CELF2: variants seen among roughly 807,000 people sequenced by gnomAD.
CELF2 encodes CUG triplet repeat RNA-binding protein 2.
CELF2 carries 8 observed loss-of-function variants against 62.6 expected under a neutral mutation model. The ratio of observed to expected loss-of-function variants is 0.13; its 90% confidence interval spans 0.07 to 0.23. The LOEUF (loss-of-function observed/expected upper bound fraction) is 0.23. Among genes scored for constraint, CELF2 ranks in the 10% least tolerant of loss-of-function variants. The pLI is 1.00. For synonymous variants in CELF2, 258 were observed against 250.0 expected (o/e 1.03, Z -0.30); for missense variants, 333 against 671.0 (o/e 0.50, Z 5.56).
chr10:10,767,660 A>G, the CELF2 span, among the ~76,000 whole-genome samples: 1 of 152,132 alleles, frequency 6.6e-6, no homozygotes, highest in Non-Finnish European at 1.5e-5. Context: ...CATATGAATC[A>G]CTTCATCTTC....
chr10:10,826,182 C>T (rs545257244), intron 1 of CELF2, among the ~76,000 whole-genome samples: 1 of 150,918 alleles, frequency 6.6e-6, no homozygotes, highest in South Asian at 2.1e-4. Context: ...AAAAAAAAAA[C>T]AATCCTTAGT....
chr10:10,863,114 G>A (rs561284201), intron 1 of CELF2, among the ~76,000 whole-genome samples: 106 of 152,280 alleles, frequency 7.0e-4, no homozygotes, highest in Admixed American at 1.4e-3. Flanking sequence ...TCAAAGAAGC[G>A]AAAACCGTAC....
the CELF2 span, among the ~76,000 whole-genome samples, chr10:10,634,830 C>T: frequency 6.6e-6 from 1 of 151,822 alleles, no homozygotes; most frequent in Non-Finnish European, 1.5e-5. Flanking sequence ...CCTGGCTAAT[C>T]TTTTGTATAT....
rs1261494381 is a variant in CELF2, at chr10:11,005,438, A to C, written c.51A>C (p.Leu17Phe). The change falls in exon 1 of 13, where the codon TTA (leucine) becomes TTC (phenylalanine). Residue 17 changes from leucine to phenylalanine, a missense_variant and splice_region_variant. Transcript: ENST00000416382. The surrounding 1 kb of genome is among the most constrained non-coding windows in gnomAD (Gnocchi z 4.3). ...CTATGAGAAATGAAGAGCTGCTTTT[A>C]AGGTATGTTGTTGTGTCCTTTGTTT... The C allele has an allele frequency of 5.0e-6, 8 of 1,613,826 alleles. No individual in the cohort carries two copies. The highest frequency in any genetic ancestry group is 1.3e-5 in the African/African-American group (1 of 74,906).
rs932695524 is a variant in CELF2, at chr10:11,315,868, G to T, written c.1096+1610G>T. 6.6e-6 allele frequency among the ~76,000 whole-genome samples: 1 copy of T among 152,212 alleles called. No individual in the cohort carries two copies. The highest frequency in any genetic ancestry group is 2.4e-5 in the African/African-American group (1 of 41,448). On this transcript the variant is annotated intron_variant, in intron 10 of 12. Transcript: ENST00000633077. This position sits in a 1 kb window ranked among gnomAD's most constrained non-coding sequence, Gnocchi z 5.8. ...GTGCTCGCACACATCCCCTCATGCT[G>T]CTTCTCTTGCCCCAGGACCTAGTTC...
intron 1 of CELF2, among the ~76,000 whole-genome samples, chr10:10,811,493 C>T (rs142354790): frequency 1.5e-3 from 222 of 152,032 alleles, no homozygotes; most frequent in Non-Finnish European, 2.6e-3. Flanking sequence ...GGGAGAGGGG[C>T]CCTGGTCTTC....
chr10:10,904,013 T>A (rs762086594), intron 1 of CELF2, among the ~76,000 whole-genome samples: 1 of 152,222 alleles, frequency 6.6e-6, no homozygotes, highest in Non-Finnish European at 1.5e-5. Context: ...GCCAGCCACC[T>A]GCCATCTTCT....
At chr10:10,487,952 A>G in the CELF2 span, among the ~76,000 whole-genome samples, 1 of 152,140 alleles carries the variant, frequency 6.6e-6, no homozygotes, top group African/African-American at 2.4e-5. Context: ...TAATCATTAC[A>G]TAATCATTAT....
At chr10:10,604,184 T>A in the CELF2 span, among the ~76,000 whole-genome samples, 1 of 152,230 alleles carries the variant, frequency 6.6e-6, no homozygotes, top group African/African-American at 2.4e-5. Flanking sequence ...TGCTCCAACC[T>A]GGGCTACAGA....
At chr10:11,027,567 AC>A (rs1564428340) in intron 1 of CELF2, among the ~76,000 whole-genome samples, 1 of 152,150 alleles carries the variant, frequency 6.6e-6, no homozygotes, top group Non-Finnish European at 1.5e-5. Flanking sequence ...TACTACAAAG[AC>A]CATTTTCATT....
At chr10:10,594,749 T>C in the CELF2 span, among the ~76,000 whole-genome samples, 1 of 152,170 alleles carries the variant, frequency 6.6e-6, no homozygotes. Flanking sequence ...CAACCCTTAA[T>C]TCTCAGGACT....
the CELF2 span, among the ~76,000 whole-genome samples, chr10:10,671,611 C>T: frequency 6.6e-6 from 1 of 152,104 alleles, no homozygotes; most frequent in Non-Finnish European, 1.5e-5. Flanking sequence ...GGTCAATATT[C>T]TGGATTTTGG....
chr10:11,314,800 T>C lies in CELF2; in HGVS notation c.1096+542T>C. On this transcript the variant is annotated intron_variant, in intron 10 of 12. Coordinates refer to ENST00000633077, the MANE Select transcript of CELF2 (RefSeq NM_001326342.2). The surrounding 1 kb of genome is among the most constrained non-coding windows in gnomAD (Gnocchi z 5.3). Reference sequence around the variant, plus strand: ...CATGACAATTAAATAGGGGAGAAAATTAGGCCTTGGAAAGAAGGAAATGAA... The same window carrying C: ...CATGACAATTAAATAGGGGAGAAAACTAGGCCTTGGAAAGAAGGAAATGAA... 1 of 181,752 alleles carries C rather than the reference T, an allele frequency of 5.5e-6. No individual in the cohort carries two copies. The highest frequency in any genetic ancestry group is 5.7e-5 in the Admixed American group (1 of 17,692). The allele number at this position is 181,752 out of a possible 1,614,324, so 11.3% of individuals were successfully genotyped here.
At chr10:10,524,940 C>T in the CELF2 span, among the ~76,000 whole-genome samples, 2 of 152,144 alleles carry the variant, frequency 1.3e-5, no homozygotes, top group Admixed American at 6.5e-5. Context: ...CTGATAATAT[C>T]GCTCTAGTCC....
intron 1 of CELF2, among the ~76,000 whole-genome samples, chr10:11,158,894 A>G (rs549694124): frequency 1.3e-5 from 2 of 152,352 alleles, no homozygotes; most frequent in East Asian, 1.9e-4. Context: ...TGTCCTGTAC[A>G]TTCTTAAGAA....
intron 2 of CELF2, among the ~76,000 whole-genome samples, chr10:11,185,845 G>C (rs766149616): frequency 3.3e-5 from 5 of 152,176 alleles, no homozygotes; most frequent in Non-Finnish European, 5.9e-5. Flanking sequence ...TGGCAATCCT[G>C]ATCTCATAGA....
the CELF2 span, among the ~76,000 whole-genome samples, chr10:10,550,119 A>T: frequency 1.3e-5 from 2 of 152,240 alleles, no homozygotes; most frequent in African/African-American, 4.8e-5. Flanking sequence ...TACCAATAAC[A>T]TAAACAGTGG....
chr10:11,257,050 G>A (rs919553183), intron 4 of CELF2, among the ~76,000 whole-genome samples: 15 of 152,026 alleles, frequency 9.9e-5, no homozygotes, highest in Admixed American at 3.3e-4. Context: ...CTGTTGAGCG[G>A]TAACTAACCT....
chr10:10,561,684 C>T, the CELF2 span, among the ~76,000 whole-genome samples: 2 of 152,256 alleles, frequency 1.3e-5, no homozygotes, highest in Middle Eastern at 6.8e-3. Context: ...CCTCAGCCTC[C>T]CAAAGTGCTG....
Sources: gnomAD v4.1 joint callset for allele counts (sites outside exome capture counted in the v4.1 genomes callset) on GRCh38, gnomAD v4.1.1 for gene constraint, Gnocchi (gnomAD v3.1) non-coding constraint, MANE v1.5 for transcripts, NCBI Gene and HGNC (gene_info 2026-07-23, HGNC 2026-07-21) for gene names.